NAA30: variants seen among roughly 807,000 people sequenced by gnomAD.
The protein encoded by NAA30 is N-alpha-acetyltransferase 30.
In NAA30, 5 loss-of-function variants were observed where a neutral mutation model predicts 31.4. The observed-to-expected ratio is 0.16, with a 90% CI of 0.08 to 0.33. The LOEUF is 0.33. Ranked by LOEUF, NAA30 falls within the 10% of genes least tolerant of loss-of-function variation. NAA30 has a pLI of 1.00. For synonymous variants in NAA30, 222 were observed against 207.1 expected (o/e 1.07, Z -0.62); for missense variants, 428 against 490.8 (o/e 0.87, Z 1.21).
intron 2 of NAA30, among the ~76,000 whole-genome samples, chr14:57,396,303 T>C (rs1375481660): frequency 6.6e-6 from 1 of 152,228 alleles, no homozygotes; most frequent in Non-Finnish European, 1.5e-5. Flanking sequence ...TGAATATATT[T>C]AAATTTACAT....
chr14:57,397,104 C>T (rs564877323), intron 3 of NAA30, among the ~76,000 whole-genome samples: 15 of 152,108 alleles, frequency 9.9e-5, no homozygotes, highest in African/African-American at 3.4e-4. Context: ...AACAAGTAGC[C>T]GATCATCAGC....
chr14:57,397,432 C>T (rs374966149), intron 3 of NAA30, among the ~76,000 whole-genome samples: 11 of 152,150 alleles, frequency 7.2e-5, no homozygotes, highest in African/African-American at 2.7e-4. Context: ...TCTTAACACT[C>T]ATGATTTATA....
In NAA30 at chr14:57,415,188, A is replaced by G. The variant is rs904610538; in HGVS notation, c.*5672A>G. ...AAGAAATTGTGTAAAGACATTTGTT[A>G]TTGGATGTGTTACATAGTAAATCAA... On this transcript the variant is annotated 3_prime_UTR_variant, in exon 5 of 5. Transcript: ENST00000556492. 6.6e-6 allele frequency: 1 copy of G among 152,232 alleles called. No homozygotes were observed. The highest frequency in any genetic ancestry group is 2.4e-5 in the African/African-American group (1 of 41,466). 9.4% of individuals were successfully genotyped at this position (152,232 alleles called of 1,614,324 possible).
intron 2 of NAA30, among the ~76,000 whole-genome samples, chr14:57,394,097 A>G (rs2066440975): frequency 1.5e-5 from 2 of 131,482 alleles, no homozygotes; most frequent in African/African-American, 5.3e-5. Flanking sequence ...ATTCTTCCTA[A>G]TTGTAAAAGA....
intron 3 of NAA30, among the ~76,000 whole-genome samples, chr14:57,399,559 A>C (rs1370987511): frequency 6.6e-6 from 1 of 152,006 alleles, no homozygotes; most frequent in Non-Finnish European, 1.5e-5. Flanking sequence ...AATAGAACAA[A>C]CTCCTGCTTG....
At chr14:57,398,096 T>C (rs2066459015) in intron 3 of NAA30, among the ~76,000 whole-genome samples, 1 of 152,228 alleles carries the variant, frequency 6.6e-6, no homozygotes, top group South Asian at 2.1e-4. Context: ...CTTTCATGTT[T>C]TTTAAAAACT....
In NAA30 at chr14:57,412,487, A is replaced by G. The variant is rs2066528189; in HGVS notation, c.*2971A>G. The G allele has an allele frequency of 6.6e-6, 1 of 152,200 alleles. No individual in the cohort carries two copies. The highest frequency in any genetic ancestry group is 2.4e-5 in the African/African-American group (1 of 41,450). 9.4% of individuals were successfully genotyped at this position (152,200 alleles called of 1,614,324 possible). A position where few individuals can be genotyped will look rare whatever the true frequency, so the allele number is the denominator to read the frequency against. On this transcript the variant is annotated 3_prime_UTR_variant, in exon 5 of 5. Transcript: ENST00000556492. ...CAGAGTTACTTTTCAGTGCACCATGACATCACTAAAATGAGTGCTGTAATG... is the reference window on the plus strand; with the variant it reads ...CAGAGTTACTTTTCAGTGCACCATGGCATCACTAAAATGAGTGCTGTAATG...
At position 57,391,449 on chromosome 14, in the gene NAA30, G is replaced by A. The variant is rs368481115; in HGVS notation, c.492G>A (p.Ala164=). ...CAGCGGCGGCGAGCGATCCCGCGGCGGCCCGCAATGGACTGGCCGAGGGCA... is the reference window on the plus strand; with the variant it reads ...CAGCGGCGGCGAGCGATCCCGCGGCAGCCCGCAATGGACTGGCCGAGGGCA... ...VEAAAASDPA[A]ARNGLAEGTE... The change falls in exon 2 of 5, where the codon GCG becomes GCA. Residue 164 remains alanine, a synonymous_variant. Transcript: ENST00000556492. This position sits in a 1 kb window ranked among gnomAD's most constrained non-coding sequence, Gnocchi z 4.1. 2 of 1,608,986 alleles carry A rather than the reference G, an allele frequency of 1.2e-6. No individual in the cohort carries two copies. Among genetic ancestry groups the A allele is most frequent in the African/African-American group, 2.7e-5 (2 of 74,980 alleles).
intron 4 of NAA30, among the ~76,000 whole-genome samples, chr14:57,404,817 TCACGAGAA>T: frequency 6.6e-6 from 1 of 152,054 alleles, no homozygotes; most frequent in Admixed American, 6.5e-5. Flanking sequence ...CTTAATTCAC[TCACGAGAA>T]CAGCACGGGA....
intron 2 of NAA30, 55 bp from the exon 3 acceptor site, chr14:57,396,697 A>G: frequency 1.3e-6 from 2 of 1,594,364 alleles, no homozygotes; most frequent in Non-Finnish European, 1.7e-6. Context: ...TCTCTGGATA[A>G]TTGTGCAGTA....
At chr14:57,393,805 C>G (rs1005987673) in intron 2 of NAA30, among the ~76,000 whole-genome samples, 4 of 151,964 alleles carry the variant, frequency 2.6e-5, no homozygotes, top group Non-Finnish European at 5.9e-5. Context: ...CAGATATTTA[C>G]CGTCGGAAGG....
intron 2 of NAA30, among the ~76,000 whole-genome samples, chr14:57,393,845 C>T (rs768613465): frequency 2.0e-5 from 3 of 152,030 alleles, no homozygotes; most frequent in Non-Finnish European, 2.9e-5. Flanking sequence ...CTCCTGGCCT[C>T]TCATTATGGT....
At chr14:57,406,259 C>A (rs1594753311) in intron 4 of NAA30, among the ~76,000 whole-genome samples, 1 of 152,168 alleles carries the variant, frequency 6.6e-6, no homozygotes. Flanking sequence ...GAACTCAGTT[C>A]TTAACCACAC....
rs2066425493 is a variant in NAA30, at chr14:57,391,176, C to T, written c.219C>T (p.Arg73=). 5 of 1,609,556 alleles carry T rather than the reference C, an allele frequency of 3.1e-6. No homozygotes were observed. Among genetic ancestry groups the T allele is most frequent in the Non-Finnish European group, 4.2e-6 (5 of 1,179,332 alleles). The change falls in exon 2 of 5, where the codon CGC becomes CGT. Residue 73 remains arginine, a synonymous_variant. Transcript: ENST00000556492. This position sits in a 1 kb window ranked among gnomAD's most constrained non-coding sequence, Gnocchi z 4.1. ...TVAAKGHPCL[R]CPQPPQEQQQ... ...CGGCCAAGGGGCATCCGTGCCTCCG[C>T]TGCCCTCAGCCGCCGCAGGAGCAGC... is the stretch of plus-strand genomic sequence containing the variant.
At chr14:57,399,672 T>C (rs530069654) in intron 3 of NAA30, among the ~76,000 whole-genome samples, 156 bp from the exon 4 acceptor site, 1 of 152,376 alleles carries the variant, frequency 6.6e-6, no homozygotes, top group South Asian at 2.1e-4. Context: ...TCTTAGCTTA[T>C]AGCTAAAATT....
chr14:57,406,024 T>A (rs894133524), intron 4 of NAA30, among the ~76,000 whole-genome samples: 6 of 152,222 alleles, frequency 3.9e-5, no homozygotes, highest in Non-Finnish European at 2.9e-5. Context: ...TAAATTCAGA[T>A]ATTCTTTTAA....
At chr14:57,409,350 A>G (rs2066513493) in intron 4 of NAA30, 29 bp from the exon 5 acceptor site, 1 of 1,544,276 alleles carries the variant, frequency 6.5e-7, no homozygotes, top group African/African-American at 1.4e-5. Context: ...GTGTAATTAT[A>G]ACTTAGTTTT....
chr14:57,397,935 T>C (rs1453992789), intron 3 of NAA30, among the ~76,000 whole-genome samples: 1 of 152,126 alleles, frequency 6.6e-6, no homozygotes, highest in Non-Finnish European at 1.5e-5. Flanking sequence ...CACTCTTCTA[T>C]TCTCTAGGAC....
rs1175378298 is a variant in NAA30, at chr14:57,413,790, A to T, written c.*4274A>T. ...ATTACAGGCGTGAGCCACCACGCCCAGCCTATGATATTCTTTTTATAAGCA... is the reference window on the plus strand; with the variant it reads ...ATTACAGGCGTGAGCCACCACGCCCTGCCTATGATATTCTTTTTATAAGCA... On this transcript the variant is annotated 3_prime_UTR_variant, in exon 5 of 5. Transcript: ENST00000556492. The T allele has an allele frequency of 1.3e-5, 2 of 152,248 alleles. No homozygotes were observed. Among genetic ancestry groups the T allele is most frequent in the East Asian group, 3.8e-4 (2 of 5,200 alleles). 9.4% of individuals were successfully genotyped at this position (152,248 alleles called of 1,614,324 possible).
Sources: gnomAD v4.1 joint callset for allele counts (sites outside exome capture counted in the v4.1 genomes callset) on GRCh38, gnomAD v4.1.1 for gene constraint, Gnocchi (gnomAD v3.1) non-coding constraint, MANE v1.5 for transcripts, NCBI Gene and HGNC (gene_info 2026-07-23, HGNC 2026-07-21) for gene names.